MYO1B: variants seen among roughly 807,000 people sequenced by gnomAD.
The protein encoded by MYO1B is unconventional myosin-Ib.
A neutral mutation model predicts 159.7 loss-of-function variants in MYO1B; 72 were observed. The ratio of observed to expected loss-of-function variants is 0.45; its 90% CI spans 0.37 to 0.55. The LOEUF is 0.55. MYO1B is among the 20% of genes least tolerant of loss of function. The pLI is 0.00. For missense variants in MYO1B, 1,062 were observed against 1,364.8 expected (o/e 0.78, Z 3.50); for synonymous variants, 468 against 473.8 (o/e 0.99, Z 0.16).
Position 191,370,244 on chromosome 2 carries a change from A to G in MYO1B, c.1137A>G (p.Arg379=), listed in dbSNP as rs1694274898. ...TTTTAAAGGCACAAACAAAAGTGAG[A>G]AAGAAGGTCATGGGTGTTCTGGACA... ...NESIKAQTKV[R]KKVMGVLDIY... Residue 379 remains arginine (R), a synonymous_variant, in exon 13 of 31, where the codon AGA becomes AGG. Transcript: ENST00000392318. 6.2e-7 allele frequency: 1 copy of G among 1,612,870 alleles called. No individual in the cohort carries two copies. The highest frequency in any genetic ancestry group is 8.5e-7 in the Non-Finnish European group (1 of 1,179,596).
chr2:191,289,869 T>C (rs1197522233), intron 2 of MYO1B, among the ~76,000 whole-genome samples: 2 of 152,180 alleles, frequency 1.3e-5, no homozygotes, highest in Non-Finnish European at 2.9e-5. Flanking sequence ...TATTCTGACT[T>C]TTTAGAAGAA....
intron 13 of MYO1B, among the ~76,000 whole-genome samples, chr2:191,376,972 A>G (rs1694748985): frequency 6.6e-6 from 1 of 152,214 alleles, no homozygotes; most frequent in Non-Finnish European, 1.5e-5. Flanking sequence ...TATGATTGAT[A>G]CTTGTGAGTA....
chr2:191,397,157 T>TTTTTTTG (rs869251820), intron 21 of MYO1B, among the ~76,000 whole-genome samples: 13 of 126,956 alleles, frequency 1.0e-4, no homozygotes, highest in East Asian at 4.4e-4. Context: ...TTTTTTTTTT[T>TTTTTTTG]GTAGGTGGGA....
chr2:191,300,343 T>G (rs1165005648), intron 3 of MYO1B, among the ~76,000 whole-genome samples: 2 of 34,704 alleles, frequency 5.8e-5, no homozygotes, highest in Non-Finnish European at 1.8e-4. Flanking sequence ...TTGTCAATTT[T>G]TTTTTTTTTT....
intron 11 of MYO1B, among the ~76,000 whole-genome samples, chr2:191,369,318 G>A (rs537953858): frequency 6.6e-6 from 1 of 152,280 alleles, no homozygotes; most frequent in South Asian, 2.1e-4. Flanking sequence ...AGTTTTTGCA[G>A]TATTTAAAAT....
At chr2:191,393,319 C>CAGA in intron 20 of MYO1B, 97 bp downstream of exon 20, 1 of 1,339,004 alleles carries the variant, frequency 7.5e-7, no homozygotes, top group Non-Finnish European at 1.0e-6. Flanking sequence ...ATACTTAATT[C>CAGA]TCCCAACAAC....
chr2:191,378,756 C>T (rs1334343392), intron 13 of MYO1B, among the ~76,000 whole-genome samples: 4 of 151,850 alleles, frequency 2.6e-5, no homozygotes, highest in Non-Finnish European at 5.9e-5. Flanking sequence ...AGAGAATGAG[C>T]AATGTTTTTC....
At chr2:191,269,105 T>A (rs1687310127) in intron 1 of MYO1B, among the ~76,000 whole-genome samples, 1 of 152,202 alleles carries the variant, frequency 6.6e-6, no homozygotes, top group Non-Finnish European at 1.5e-5. Context: ...CCACTATCTC[T>A]AGAGATTTTT....
At chr2:191,384,819 A>G (rs1269750358) in intron 15 of MYO1B, among the ~76,000 whole-genome samples, 5 of 152,200 alleles carry the variant, frequency 3.3e-5, no homozygotes, top group South Asian at 2.1e-4. Context: ...TCCCCTTGCT[A>G]TATGATTGAA....
intron 3 of MYO1B, among the ~76,000 whole-genome samples, chr2:191,311,914 A>G (rs1690023052): frequency 6.6e-6 from 1 of 152,082 alleles, no homozygotes; most frequent in Admixed American, 6.5e-5. Flanking sequence ...AAACAAGTAG[A>G]AAATGATATA....
chr2:191,288,764 T>C (rs558335550), intron 2 of MYO1B, among the ~76,000 whole-genome samples: 1 of 152,340 alleles, frequency 6.6e-6, no homozygotes, highest in Admixed American at 6.5e-5. Flanking sequence ...TGGGTTATTC[T>C]TACCTGAATC....
intron 24 of MYO1B, among the ~76,000 whole-genome samples, chr2:191,405,080 G>T (rs1255094889): frequency 6.6e-6 from 1 of 152,124 alleles, no homozygotes; most frequent in Admixed American, 6.5e-5. Flanking sequence ...CCTTGCCACT[G>T]GTTTTGTCAA....
chr2:191,273,263 A>AG (rs1014328830), intron 1 of MYO1B, among the ~76,000 whole-genome samples: 3 of 152,144 alleles, frequency 2.0e-5, no homozygotes, highest in Non-Finnish European at 4.4e-5. Flanking sequence ...CTGGGATTAC[A>AG]GGGGTGTGCC....
chr2:191,273,478 A>G (rs1018752773), intron 1 of MYO1B, among the ~76,000 whole-genome samples: 3 of 151,960 alleles, frequency 2.0e-5, no homozygotes, highest in East Asian at 1.9e-4. Flanking sequence ...TCCTCTTCCT[A>G]CCAACCCTCC....
chr2:191,296,331 A>AT, intron 3 of MYO1B, 105 bp downstream of exon 3: 1 of 345,346 alleles, frequency 2.9e-6, no homozygotes, highest in Non-Finnish European at 4.1e-6. Flanking sequence ...TGTTTTTGTC[A>AT]GTTTTTTTTA....
rs1178035541 is a variant in MYO1B at position 191,414,122 on chromosome 2, T to C, written c.2948T>C (p.Ile983Thr). 6.2e-7 allele frequency: 1 copy of C among 1,613,406 alleles called. No homozygotes were observed. The highest frequency in any genetic ancestry group is 8.5e-7 in the Non-Finnish European group (1 of 1,179,648). The stretch of plus-strand genomic sequence containing the variant: ...AAGTATAAGAAACTCAAAGATGCCA[T>C]TGAAGAAAAGATCATCATTGCTGAA... ...NPKYKKLKDA[I>T]EEKIIIAEVV... The change falls in exon 28 of 31, where the codon ATT becomes ACT. Residue 983 changes from isoleucine (I) to threonine (T), a missense_variant. By Grantham distance (89) the Ile-to-Thr change is moderately conservative (BLOSUM62 -1). Transcript: ENST00000392318.
At chr2:191,339,335 A>G (rs1311921695) in intron 4 of MYO1B, among the ~76,000 whole-genome samples, 5 of 152,328 alleles carry the variant, frequency 3.3e-5, no homozygotes, top group East Asian at 1.9e-4. Context: ...ATATAATAGT[A>G]TATAAAGTCT....
At chr2:191,261,325 A>G (rs1483012107) in intron 1 of MYO1B, among the ~76,000 whole-genome samples, 2 of 152,268 alleles carry the variant, frequency 1.3e-5, no homozygotes, top group African/African-American at 4.8e-5. Context: ...ATGAATTTCC[A>G]TAAATGACTG....
chr2:191,255,691 A>G (rs573979942), intron 1 of MYO1B, among the ~76,000 whole-genome samples: 1 of 152,322 alleles, frequency 6.6e-6, no homozygotes, highest in East Asian at 1.9e-4. Context: ...ATTTTTTATC[A>G]GTATATCCTC....
Sources: allele counts gnomAD v4.1 joint callset (sites outside exome capture counted in the v4.1 genomes callset), GRCh38; gene constraint gnomAD v4.1.1; transcripts MANE v1.5; gene names NCBI Gene and HGNC (gene_info 2026-07-23, HGNC 2026-07-21).